Variants in MET observed in about 807,000 individuals in gnomAD.
MET encodes hepatocyte growth factor receptor.
In MET, 48 loss-of-function variants were observed where a neutral mutation model predicts 133.1. The observed-to-expected ratio is 0.36, with a 90% CI of 0.29 to 0.46. MET has a LOEUF of 0.46. Among genes scored for constraint, MET ranks in the 20% least tolerant of loss-of-function variants. The probability of loss-of-function intolerance (pLI) is 1.00; values close to 1 mark genes in which losing one functional copy is unlikely to be tolerated. For missense variants in MET, 1,442 were observed against 1,695.9 expected, an observed-to-expected ratio of 0.85 and a Z score of 2.63; for synonymous variants, 628 against 616.5, an observed-to-expected ratio of 1.02 and a Z score of -0.28.
intron 10 of MET, among the ~76,000 whole-genome samples, chr7:116,761,753 T>C (rs560565791): frequency 1.8e-4 from 27 of 152,112 alleles, no homozygotes; most frequent in Non-Finnish European, 3.7e-4. Flanking sequence ...ATTAATTTTA[T>C]ATAAAACTAA....
intron 9 of MET, 37 bp downstream of exon 9, chr7:116,758,657 G>T: frequency 6.3e-7 from 1 of 1,593,070 alleles, no homozygotes; most frequent in Non-Finnish European, 8.6e-7. Context: ...AGAAAACAAT[G>T]AATACAAGGA....
chr7:116,758,262 A>T (rs1223567432), intron 8 of MET, among the ~76,000 whole-genome samples, 197 bp from the exon 9 acceptor site: 1 of 152,094 alleles, frequency 6.6e-6, no homozygotes, highest in Admixed American at 6.5e-5. Context: ...AATGTTTTCC[A>T]GTCAAGGATA....
intron 2 of MET, among the ~76,000 whole-genome samples, chr7:116,711,498 T>A (rs1226433059): frequency 1.3e-5 from 2 of 152,240 alleles, no homozygotes; most frequent in African/African-American, 4.8e-5. Context: ...TAATTCAGTC[T>A]TGTATTCCTT....
intron 11 of MET, among the ~76,000 whole-genome samples, chr7:116,766,579 T>A (rs1794636729): frequency 6.6e-6 from 1 of 152,194 alleles, no homozygotes; most frequent in African/African-American, 2.4e-5. Context: ...AAAACCACCA[T>A]GAACTCAGTT....
intron 2 of MET, among the ~76,000 whole-genome samples, chr7:116,708,657 T>C (rs530359832): frequency 1.5e-4 from 23 of 152,322 alleles, no homozygotes; most frequent in Non-Finnish European, 2.2e-4. Flanking sequence ...GAACATACTT[T>C]AGATCCTGCT....
intron 11 of MET, 62 bp from the exon 12 acceptor site, chr7:116,769,583 T>C (rs2116981551): frequency 2.5e-6 from 4 of 1,589,510 alleles, no homozygotes; most frequent in Non-Finnish European, 3.4e-6. Flanking sequence ...TCCTTTGCCA[T>C]TGTTAGCATT....
intron 3 of MET, among the ~76,000 whole-genome samples, chr7:116,739,125 TAA>T (rs1793349962): frequency 6.6e-6 from 1 of 152,200 alleles, no homozygotes; most frequent in South Asian, 2.1e-4. Context: ...CCTAAAAATC[TAA>T]GTGTTCATGT....
At chr7:116,790,297 C>T (rs1464902800) in intron 19 of MET, among the ~76,000 whole-genome samples, 1 of 152,178 alleles carries the variant, frequency 6.6e-6, no homozygotes, top group Non-Finnish European at 1.5e-5. Flanking sequence ...CCCTGGCAAC[C>T]ACAATTCTAC....
intron 5 of MET, 70 bp from the exon 6 acceptor site, chr7:116,755,285 T>C (rs1794134805): frequency 1.3e-6 from 2 of 1,537,648 alleles, no homozygotes; most frequent in Admixed American, 3.5e-5. Context: ...ATTTTGTTTG[T>C]TCGTTTTCCA....
chr7:116,784,189 T>A (rs2117070439), intron 19 of MET, among the ~76,000 whole-genome samples: 1 of 152,300 alleles, frequency 6.6e-6, no homozygotes, highest in South Asian at 2.1e-4. Context: ...ACTTAGTTAT[T>A]TGGCAAGAAC....
chr7:116,689,186 TATACCTTC>T (rs1195725631), intron 1 of MET, among the ~76,000 whole-genome samples: 1 of 152,204 alleles, frequency 6.6e-6, no homozygotes, highest in East Asian at 1.9e-4. Flanking sequence ...TTCATATAGT[TATACCTTC>T]ATATGACACT....
intron 5 of MET, among the ~76,000 whole-genome samples, chr7:116,755,045 G>GAAAGAAAGAAAGAAAGA (rs1562920036): frequency 2.8e-5 from 4 of 144,336 alleles, no homozygotes; most frequent in Admixed American, 1.4e-4. Context: ...AGAAAGAAAA[G>GAAAGAAAGAAAGAAAGA]AAAGAAAGAA....
At chr7:116,767,043 C>T (rs1794650127) in intron 11 of MET, among the ~76,000 whole-genome samples, 1 of 152,178 alleles carries the variant, frequency 6.6e-6, no homozygotes, top group African/African-American at 2.4e-5. Flanking sequence ...CACCACCTCA[C>T]TAATTTCCTA....
Position 116,758,558 on chromosome 7 carries a change from CA to C in MET, c.2203del (p.Ile735SerfsTer26). The C allele has an allele frequency of 6.2e-7, 1 of 1,613,744 alleles. No homozygotes were observed. The highest frequency in any genetic ancestry group is 8.5e-7 in the Non-Finnish European group (1 of 1,179,830). On this transcript the variant is annotated frameshift_variant, in exon 9 of 21. Transcript: ENST00000397752. LOFTEE classifies it high-confidence loss of function. The stretch of plus-strand genomic sequence containing the variant: ...TTGACTTAGCCAACCGAGAGACAAG[CA>C]TCTTCAGTTACCGTGAAGATCCCAT... ...KIDLANRETSIFSYREDPIVY... is the reference protein window; with the variant it reads ...KIDLANRETSXFSYREDPIVY...
chr7:116,778,371 C>T (rs1452674834), intron 16 of MET, among the ~76,000 whole-genome samples: 2 of 152,180 alleles, frequency 1.3e-5, no homozygotes, highest in African/African-American at 4.8e-5. Flanking sequence ...GATTTTCCTG[C>T]AAGATACTTT....
intron 1 of MET, among the ~76,000 whole-genome samples, chr7:116,692,425 G>A (rs774531064): frequency 1.3e-5 from 2 of 152,118 alleles, no homozygotes; most frequent in African/African-American, 4.8e-5. Context: ...CTGAGGAATC[G>A]GTGTTTGAAT....
At chr7:116,781,945 G>C in intron 17 of MET, 43 bp from the exon 18 acceptor site, 1 of 1,186,250 alleles carries the variant, frequency 8.4e-7, no homozygotes, top group Admixed American at 1.7e-5. Context: ...AATTAGAACA[G>C]TAGATGCTTA....
chr7:116,761,670 A>G (rs1244367394), intron 10 of MET, among the ~76,000 whole-genome samples: 2 of 152,128 alleles, frequency 1.3e-5, no homozygotes, highest in African/African-American at 2.4e-5. Context: ...ATTTCTTGTT[A>G]TGTAAACAAT....
At chr7:116,715,274 C>T (rs924758599) in intron 2 of MET, among the ~76,000 whole-genome samples, 1 of 152,218 alleles carries the variant, frequency 6.6e-6, no homozygotes, top group African/African-American at 2.4e-5. Flanking sequence ...TGTCTGAAAT[C>T]AAGGCATCAG....
Sources: allele counts gnomAD v4.1 joint callset (sites outside exome capture counted in the v4.1 genomes callset), GRCh38; gene constraint gnomAD v4.1.1; transcripts MANE v1.5; gene names NCBI Gene and HGNC (gene_info 2026-07-23, HGNC 2026-07-21).